TMEM131: variants seen among roughly 807,000 people sequenced by gnomAD.
TMEM131 encodes transmembrane protein 131, also known as 2610524E03Rik.
A neutral mutation model predicts 211.6 loss-of-function variants in TMEM131; 66 were observed. The ratio of observed to expected loss-of-function variants is 0.31; its 90% CI spans 0.26 to 0.38. TMEM131 has a LOEUF of 0.38. Among genes scored for constraint, TMEM131 ranks in the 10% least tolerant of loss-of-function variants. The probability of loss-of-function intolerance (pLI) is 1.00; values close to 1 mark genes in which losing one functional copy is unlikely to be tolerated. For missense variants in TMEM131, 2,036 were observed against 2,299.3 expected (o/e 0.89, Z 2.34); for synonymous variants, 844 against 841.3 (o/e 1.00, Z -0.06).
intron 1 of TMEM131, among the ~76,000 whole-genome samples, chr2:97,952,766 C>T (rs1678381324): frequency 6.6e-6 from 1 of 152,132 alleles, no homozygotes; most frequent in Non-Finnish European, 1.5e-5. Flanking sequence ...GTAGTTCCAG[C>T]TACTCAGGAG....
intron 1 of TMEM131, among the ~76,000 whole-genome samples, chr2:97,982,342 C>T (rs1679834980): frequency 6.6e-6 from 1 of 151,798 alleles, no homozygotes; most frequent in South Asian, 2.1e-4. Context: ...TATTCAGATC[C>T]CCTGCCCATT....
intron 39 of TMEM131, chr2:97,759,354 C>T (rs765388848): frequency 1.9e-5 from 10 of 529,976 alleles, no homozygotes; most frequent in Non-Finnish European, 3.4e-5. Flanking sequence ...GAAGAGGACC[C>T]CTGGCACACT....
At chr2:97,861,209 C>T (rs929780377) in intron 4 of TMEM131, among the ~76,000 whole-genome samples, 3 of 151,972 alleles carry the variant, frequency 2.0e-5, no homozygotes, top group Non-Finnish European at 2.9e-5. Context: ...CCACAAGCAC[C>T]GCAATTCCTA....
At chr2:97,921,499 G>A (rs1277431634) in intron 2 of TMEM131, among the ~76,000 whole-genome samples, 1 of 152,152 alleles carries the variant, frequency 6.6e-6, no homozygotes, top group African/African-American at 2.4e-5. Context: ...CTGACAGACT[G>A]AACTTCATTA....
intron 4 of TMEM131, among the ~76,000 whole-genome samples, chr2:97,880,422 G>A (rs1247699705): frequency 6.6e-6 from 1 of 152,156 alleles, no homozygotes; most frequent in East Asian, 1.9e-4. Flanking sequence ...GAAAGTGGCA[G>A]GCATATGGTA....
At chr2:97,836,903 A>G (rs1399355688) in intron 8 of TMEM131, among the ~76,000 whole-genome samples, 174 bp downstream of exon 8, 2 of 152,178 alleles carry the variant, frequency 1.3e-5, no homozygotes, top group African/African-American at 4.8e-5. Flanking sequence ...ATTACTACTT[A>G]TATTCTTTCC....
At chr2:97,793,197 C>T (rs1380486742) in intron 30 of TMEM131, 198 bp downstream of exon 30, 6 of 651,272 alleles carry the variant, frequency 9.2e-6, no homozygotes, top group Non-Finnish European at 1.5e-5. Context: ...AGTATTTTAA[C>T]CCTTACCAAT....
intron 5 of TMEM131, among the ~76,000 whole-genome samples, chr2:97,854,663 T>C (rs945466098): frequency 2.0e-5 from 3 of 152,190 alleles, no homozygotes; most frequent in East Asian, 3.9e-4. Context: ...AGTCAAACCA[T>C]AGTTTGTAAG....
intron 19 of TMEM131, 138 bp downstream of exon 19, chr2:97,809,550 T>C (rs1681456074): frequency 3.1e-6 from 2 of 647,356 alleles, no homozygotes; most frequent in Non-Finnish European, 2.7e-6. Context: ...TTACATCTTC[T>C]AAAGAACCTG....
chr2:97,942,989 GAAAGA>G (rs1277171203), intron 1 of TMEM131, among the ~76,000 whole-genome samples: 1 of 32,588 alleles, frequency 3.1e-5, no homozygotes, highest in African/African-American at 1.9e-4. Context: ...AGAAAGAAAA[GAAAGA>G]AAAGAAAGAA....
chr2:97,878,299 T>A (rs1477091853), intron 4 of TMEM131, among the ~76,000 whole-genome samples: 1 of 152,208 alleles, frequency 6.6e-6, no homozygotes, highest in Non-Finnish European at 1.5e-5. Context: ...TGGTGATTCC[T>A]CAAGGATCTA....
chr2:97,972,415 A>G (rs1679337586), intron 1 of TMEM131, among the ~76,000 whole-genome samples: 1 of 141,980 alleles, frequency 7.0e-6, no homozygotes, highest in Admixed American at 7.0e-5. Context: ...AAGAAAAGAA[A>G]AAGGAAAGAA....
intron 4 of TMEM131, among the ~76,000 whole-genome samples, chr2:97,870,256 G>GT (rs1674438202): frequency 6.6e-6 from 1 of 152,174 alleles, no homozygotes; most frequent in Non-Finnish European, 1.5e-5. Flanking sequence ...TTGGGAGAAT[G>GT]TATGTACAGG....
chr2:97,861,685 G>C (rs549297195), intron 4 of TMEM131, among the ~76,000 whole-genome samples: 3 of 151,912 alleles, frequency 2.0e-5, no homozygotes, highest in Non-Finnish European at 4.4e-5. Context: ...TGGGTTGAAG[G>C]CCAGCTCAGC....
chr2:97,913,200 T>C (rs527720635), intron 2 of TMEM131: 4 of 152,268 alleles, frequency 2.6e-5, no homozygotes, highest in African/African-American at 4.8e-5. Context: ...CACCCGGTAA[T>C]GCACAGGACG....
intron 4 of TMEM131, among the ~76,000 whole-genome samples, chr2:97,885,900 A>G (rs1178053379): frequency 6.6e-6 from 1 of 152,182 alleles, no homozygotes; most frequent in African/African-American, 2.4e-5. Context: ...CTCCTTCTGG[A>G]ATGACCATAA....
chr2:97,945,351 GA>G (rs1252804113), intron 1 of TMEM131, among the ~76,000 whole-genome samples: 2 of 152,138 alleles, frequency 1.3e-5, no homozygotes, highest in African/African-American at 2.4e-5. Flanking sequence ...TGGGGTGATG[GA>G]AATATTTTGG....
chr2:97,937,643 T>C (rs1473985113), intron 1 of TMEM131, among the ~76,000 whole-genome samples: 1 of 151,962 alleles, frequency 6.6e-6, no homozygotes, highest in East Asian at 1.9e-4. Flanking sequence ...AAGGGATCAC[T>C]CCATTAAGAT....
At chr2:97,775,470 T>C (rs757495539) in intron 32 of TMEM131, among the ~76,000 whole-genome samples, 7 of 152,178 alleles carry the variant, frequency 4.6e-5, no homozygotes, top group Non-Finnish European at 8.8e-5. Flanking sequence ...ATTAAAATGG[T>C]AGAGTTCCTT....
Sources: allele counts gnomAD v4.1 joint callset (sites outside exome capture counted in the v4.1 genomes callset), GRCh38; gene constraint gnomAD v4.1.1; transcripts MANE v1.5; gene names NCBI Gene and HGNC (gene_info 2026-07-23, HGNC 2026-07-21).